PLOD2: variants seen among roughly 807,000 people sequenced by gnomAD.
The protein encoded by PLOD2 is lysine hydroxylase 2.
Under a neutral mutation model 101.0 loss-of-function variants are expected in PLOD2, and 65 were observed. The ratio of observed to expected loss-of-function variants is 0.64; its 90% CI spans 0.53 to 0.79. PLOD2 has a LOEUF of 0.79. Among genes scored for constraint, PLOD2 ranks in the 30% least tolerant of loss-of-function variants. The pLI is 0.00. For synonymous variants in PLOD2, 314 were observed against 302.9 expected (o/e 1.04, Z -0.38); for missense variants, 909 against 914.6 (o/e 0.99, Z 0.08).
At chr3:146,117,416 C>T (rs1241972768) in intron 3 of PLOD2, among the ~76,000 whole-genome samples, 1 of 151,916 alleles carries the variant, frequency 6.6e-6, no homozygotes, top group African/African-American at 2.4e-5. Context: ...TCTCCCAGGC[C>T]CTAGATTACA....
At chr3:146,153,642 C>T (rs1390191831) in intron 1 of PLOD2, among the ~76,000 whole-genome samples, 1 of 152,128 alleles carries the variant, frequency 6.6e-6, no homozygotes, top group East Asian at 1.9e-4. Flanking sequence ...TTGCCAAAAT[C>T]CACATATCTA....
intron 7 of PLOD2, among the ~76,000 whole-genome samples, chr3:146,098,438 T>G (rs11914531): frequency 4.7e-4 from 71 of 152,284 alleles, no homozygotes; most frequent in African/African-American, 1.5e-3. Flanking sequence ...TACCTAAATA[T>G]GTTTTAAATA....
intron 1 of PLOD2, among the ~76,000 whole-genome samples, chr3:146,153,579 G>T (rs1243932552): frequency 6.6e-6 from 1 of 152,102 alleles, no homozygotes; most frequent in Non-Finnish European, 1.5e-5. Flanking sequence ...TATAGCTTCT[G>T]GAGCTTTTCT....
chr3:146,121,896 G>A (rs1450662674), intron 2 of PLOD2, among the ~76,000 whole-genome samples: 5 of 152,046 alleles, frequency 3.3e-5, no homozygotes, highest in African/African-American at 1.2e-4. Context: ...CCCTGAATTG[G>A]AAATGCATGA....
intron 1 of PLOD2, among the ~76,000 whole-genome samples, chr3:146,135,307 T>C (rs562459447): frequency 6.6e-6 from 1 of 152,280 alleles, no homozygotes; most frequent in African/African-American, 2.4e-5. Flanking sequence ...GAAAATTGAA[T>C]CTGTATATTA....
chr3:146,121,994 C>CA lies in PLOD2; in HGVS notation c.202-747dup, dbSNP rs1156877693. Among the ~76,000 whole-genome samples the CA allele has an allele frequency of 2.0e-5, 3 of 152,250 alleles. No individual in the cohort carries two copies. In the East Asian group the frequency reaches 5.8e-4, roughly 29 times the overall value. On this transcript the variant is annotated intron_variant, in intron 2 of 19. Coordinates refer to ENST00000282903, the MANE Select transcript of PLOD2 (RefSeq NM_182943.3). Reference sequence around the variant, plus strand: ...ACCTTTTCTCTTCATTTCATCAAAACAAAGTCTGAAGTTGCCATTATAATG... The same window carrying CA: ...ACCTTTTCTCTTCATTTCATCAAAACAAAAGTCTGAAGTTGCCATTATAATG...
chr3:146,084,306 C>T (rs528152690), intron 11 of PLOD2, among the ~76,000 whole-genome samples: 3 of 151,910 alleles, frequency 2.0e-5, no homozygotes, highest in African/African-American at 4.8e-5. Context: ...ATACAGGTTG[C>T]TACAGAGAGG....
intron 1 of PLOD2, among the ~76,000 whole-genome samples, chr3:146,143,563 T>A (rs1042329920): frequency 8.6e-5 from 13 of 152,046 alleles, no homozygotes; most frequent in Non-Finnish European, 1.0e-4. Context: ...TCTTAAAGAA[T>A]TTCCCTGTAT....
At chr3:146,088,044 A>C (rs1243474460) in intron 9 of PLOD2, among the ~76,000 whole-genome samples, 1 of 151,766 alleles carries the variant, frequency 6.6e-6, no homozygotes, top group Non-Finnish European at 1.5e-5. Context: ...AACTGTAAAA[A>C]TACTGAGGAA....
chr3:146,089,425 A>C (rs1936899174), intron 8 of PLOD2, among the ~76,000 whole-genome samples: 1 of 151,600 alleles, frequency 6.6e-6, no homozygotes, highest in African/African-American at 2.4e-5. Context: ...TGAAAGACTT[A>C]CAAGTAGATG....
At position 146,110,403 on chromosome 3, in the gene PLOD2, T is replaced by A; in HGVS notation, c.384A>T (p.Lys128Asn). Residue 128 changes from lysine (K) to asparagine (N), a missense_variant, in exon 4 of 20, where the codon AAA becomes AAT. Lys to Asn is a moderately conservative substitution (Grantham distance 94, BLOSUM62 0). Coordinates refer to ENST00000282903, the MANE Select transcript of PLOD2 (RefSeq NM_182943.3). ...FAGGPEEVLKKFQKANHKVVF... is the reference protein window; with the variant it reads ...FAGGPEEVLKNFQKANHKVVF... ...CCACTTTGTGGTTTGCCTTTTGGAA[T>A]TTTTTTAGAACTTCTTCTGGACCAC... 6.2e-7 allele frequency: 1 copy of A among 1,613,176 alleles called. No homozygotes were observed. Among genetic ancestry groups the A allele is most frequent in the South Asian group, 1.1e-5 (1 of 91,008 alleles).
At chr3:146,096,873 A>ACGGAGGCGGGGGG (rs1234344071) in intron 7 of PLOD2, among the ~76,000 whole-genome samples, 1 of 22,994 alleles carries the variant, frequency 4.3e-5, no homozygotes, top group African/African-American at 2.3e-4. Context: ...CCCGTCCGGG[A>ACGGAGGCGGGGGG]GGGAGGTGGG....
chr3:146,120,221 T>G (rs1174443744), intron 3 of PLOD2, among the ~76,000 whole-genome samples: 1 of 152,216 alleles, frequency 6.6e-6, no homozygotes, highest in African/African-American at 2.4e-5. Flanking sequence ...TCATGTGTAT[T>G]TTGGCTGCAT....
In PLOD2 at chr3:146,081,854, A is replaced by G; in HGVS notation, c.1242T>C (p.Ile414=). 13 of 1,612,726 alleles carry G rather than the reference A, an allele frequency of 8.1e-6. No homozygotes were observed. The highest frequency in any genetic ancestry group is 1.1e-5 in the Non-Finnish European group (13 of 1,178,942). Residue 414 remains isoleucine (I), a synonymous_variant, in exon 12 of 20, where the codon ATT becomes ATC. Transcript: ENST00000282903. The part of the protein sequence containing the change: ...KILIEQNRKI[I]APLVTRHGKL... ...TTCCATGACGAGTTACAAGAGGAGC[A>G]ATGATCTTTCTAAAGACAGAGAGAG...
chr3:146,124,266 A>G, intron 1 of PLOD2, 37 bp from the exon 2 acceptor site: 1 of 1,145,088 alleles, frequency 8.7e-7, no homozygotes, highest in Non-Finnish European at 1.3e-6. Flanking sequence ...AGGTTTACCA[A>G]GATATCAAAT....
intron 12 of PLOD2, among the ~76,000 whole-genome samples, chr3:146,079,477 C>A (rs747604552): frequency 3.0e-4 from 46 of 151,864 alleles, no homozygotes; most frequent in Admixed American, 1.3e-4. Flanking sequence ...GGATACATTT[C>A]AATTTTGGGT....
At chr3:146,106,692 A>G in intron 4 of PLOD2, 48 bp from the exon 5 acceptor site, 1 of 882,858 alleles carries the variant, frequency 1.1e-6, no homozygotes, top group Non-Finnish European at 1.9e-6. Flanking sequence ...TCAAAGACCA[A>G]AACTGGTGTC....
intron 9 of PLOD2, 89 bp downstream of exon 9, chr3:146,088,497 A>G (rs1056907094): frequency 5.6e-5 from 53 of 939,854 alleles, no homozygotes; most frequent in Non-Finnish European, 8.1e-5. Context: ...AACTTAACCC[A>G]ATGAATTTTA....
chr3:146,102,612 A>G (rs973083561), intron 7 of PLOD2, 143 bp downstream of exon 7: 1 of 613,452 alleles, frequency 1.6e-6, no homozygotes, highest in African/African-American at 1.9e-5. Context: ...CAGATGATAT[A>G]CTGTGTAAAA....
Sources: gnomAD v4.1 joint callset for allele counts (sites outside exome capture counted in the v4.1 genomes callset) on GRCh38, gnomAD v4.1.1 for gene constraint, MANE v1.5 for transcripts, NCBI Gene and HGNC (gene_info 2026-07-23, HGNC 2026-07-21) for gene names.